Variants in MDGA2 observed in about 807,000 individuals in gnomAD.
MDGA2 encodes MAM domain containing glycosylphosphatidylinositol anchor 2, also known as MAM domain-containing glycosylphosphatidylinositol anchor protein 2.
Under a neutral mutation model 117.8 loss-of-function variants are expected in MDGA2, and 40 were observed. The ratio of observed to expected loss-of-function variants is 0.34; its 90% CI spans 0.26 to 0.44. The LOEUF (loss-of-function observed/expected upper bound fraction) is 0.44. Among genes scored for constraint, MDGA2 ranks in the 20% least tolerant of loss-of-function variants. The pLI is 1.00. For missense variants in MDGA2, 1,123 were observed against 1,250.6 expected (o/e 0.90, Z 1.54); for synonymous variants, 452 against 439.0 (o/e 1.03, Z -0.37).
At chr14:47,667,883 C>A (rs117071810) in intron 1 of MDGA2, among the ~76,000 whole-genome samples, 5,445 of 152,262 alleles carry the variant, frequency 0.036, 143 homozygotes, top group Middle Eastern at 0.068. Flanking sequence ...ATTTCAGCCA[C>A]ACCACAGTCC....
chr14:47,569,250 T>C (rs1216197085), intron 1 of MDGA2, among the ~76,000 whole-genome samples: 1 of 152,208 alleles, frequency 6.6e-6, no homozygotes, highest in Non-Finnish European at 1.5e-5. Context: ...AAATAATATG[T>C]GTTTTTAGTG....
intron 5 of MDGA2, among the ~76,000 whole-genome samples, chr14:47,122,402 A>G (rs1050099578): frequency 4.6e-5 from 7 of 151,978 alleles, no homozygotes; most frequent in Admixed American, 2.6e-4. Flanking sequence ...TGAGTGACCA[A>G]TTGTTTTGTT....
chr14:46,985,910 T>C (rs541261155), intron 8 of MDGA2, among the ~76,000 whole-genome samples: 23 of 152,198 alleles, frequency 1.5e-4, no homozygotes, highest in Admixed American at 1.4e-3. Context: ...CCATTAGCGA[T>C]TTACAACTGA....
chr14:47,480,967 C>G (rs540119555), intron 1 of MDGA2, among the ~76,000 whole-genome samples: 12 of 151,688 alleles, frequency 7.9e-5, no homozygotes, highest in Non-Finnish European at 1.5e-4. Context: ...TCATCTTGTA[C>G]GAGAGTAGAA....
At position 47,124,691 on chromosome 14, in the gene MDGA2, G is replaced by A. The variant is rs1286909789; in HGVS notation, c.925+7023C>T. On this transcript the variant is annotated intron_variant, in intron 5 of 16. Transcript: ENST00000399232. ...CAGAGAGGTAACCAAGGGTAAATGA[G>A]GTCCTAAGGATGAGACTCTAATCAA... Among the ~76,000 whole-genome samples the A allele has an allele frequency of 7.9e-5, 12 of 152,100 alleles. 1 individual carries two copies. In the East Asian group the frequency reaches 1.9e-3, roughly 25 times the overall value.
chr14:47,017,053 G>A (rs2138564302), intron 8 of MDGA2, among the ~76,000 whole-genome samples: 2 of 151,626 alleles, frequency 1.3e-5, no homozygotes, highest in East Asian at 3.9e-4. Flanking sequence ...ATATGATATT[G>A]CATATCTATT....
intron 1 of MDGA2, among the ~76,000 whole-genome samples, chr14:47,608,634 T>C (rs1403106539): frequency 6.6e-6 from 1 of 152,152 alleles, no homozygotes; most frequent in Non-Finnish European, 1.5e-5. Context: ...AGAACTGCTA[T>C]GCCACTGTAA....
chr14:47,158,363 G>GGTGTGTGTGTGT (rs34198544), intron 3 of MDGA2, among the ~76,000 whole-genome samples: 16 of 146,784 alleles, frequency 1.1e-4, no homozygotes, highest in African/African-American at 3.5e-4. Flanking sequence ...CCCTGGGGTG[G>GGTGTGTGTGTGT]GTGTGTGTGT....
intron 8 of MDGA2, among the ~76,000 whole-genome samples, chr14:47,018,282 G>A (rs1427504738): frequency 6.6e-6 from 1 of 152,002 alleles, no homozygotes; most frequent in Non-Finnish European, 1.5e-5. Context: ...TTTATGAGTT[G>A]TGCCTTCTGC....
chr14:47,450,277 T>C (rs908627679), intron 1 of MDGA2, among the ~76,000 whole-genome samples: 42 of 151,998 alleles, frequency 2.8e-4, no homozygotes, highest in African/African-American at 9.9e-4. Context: ...GTTGTCACTT[T>C]TCTCTCTTTA....
At chr14:47,409,833 C>T (rs184017558) in intron 1 of MDGA2, among the ~76,000 whole-genome samples, 11 of 152,200 alleles carry the variant, frequency 7.2e-5, no homozygotes, top group East Asian at 5.8e-4. Context: ...TTACGTCCCC[C>T]GCTTTGTGGG....
At chr14:47,574,378 T>C (rs1342811690) in intron 1 of MDGA2, among the ~76,000 whole-genome samples, 1 of 152,228 alleles carries the variant, frequency 6.6e-6, no homozygotes, top group Non-Finnish European at 1.5e-5. Flanking sequence ...TTCCTGGGCT[T>C]GGCCCAGCAA....
intron 2 of MDGA2, among the ~76,000 whole-genome samples, chr14:47,276,770 T>A (rs1382386236): frequency 1.3e-5 from 2 of 152,234 alleles, no homozygotes; most frequent in East Asian, 3.8e-4. Flanking sequence ...GAAGTACACA[T>A]CTTTTGTTCT....
At chr14:47,160,322 G>A (rs936337545) in intron 3 of MDGA2, among the ~76,000 whole-genome samples, 18 of 151,692 alleles carry the variant, frequency 1.2e-4, no homozygotes, top group African/African-American at 3.9e-4. Context: ...ATTCTATTTC[G>A]GGCTTTTTTG....
At chr14:47,210,446 C>T (rs1229474323) in intron 3 of MDGA2, among the ~76,000 whole-genome samples, 1 of 152,108 alleles carries the variant, frequency 6.6e-6, no homozygotes, top group Non-Finnish European at 1.5e-5. Flanking sequence ...ACCCTATGAA[C>T]CACACAGTCA....
chr14:47,248,517 T>G (rs1323469419), intron 2 of MDGA2, among the ~76,000 whole-genome samples: 2 of 151,716 alleles, frequency 1.3e-5, no homozygotes, highest in African/African-American at 2.4e-5. Context: ...AAAATTATAT[T>G]TTTTAAAAGT....
chr14:47,351,601 T>G (rs1047576410), intron 1 of MDGA2, among the ~76,000 whole-genome samples: 4 of 152,162 alleles, frequency 2.6e-5, no homozygotes, highest in African/African-American at 9.7e-5. Flanking sequence ...TCTTAGCCTT[T>G]AATGAGTTTC....
In MDGA2 at chr14:47,418,323, T is replaced by C. The variant is rs572665400; in HGVS notation, c.281-116773A>G. Among the ~76,000 whole-genome samples the C allele has an allele frequency of 3.0e-4, 45 of 152,120 alleles. No homozygotes were observed. In the South Asian group the frequency reaches 6.2e-3, roughly 21 times the overall value. ...CTGATCTCGAACTCCTGACCTCAAA[T>C]GATCTGCCCGCCTTGGCCTCCCAAA... On this transcript the variant is annotated intron_variant, in intron 1 of 16. Coordinates refer to ENST00000399232, the MANE Select transcript of MDGA2 (RefSeq NM_001113498.3).
intron 14 of MDGA2, among the ~76,000 whole-genome samples, chr14:46,866,122 C>A (rs1476363807): frequency 6.0e-5 from 9 of 149,424 alleles, no homozygotes; most frequent in African/African-American, 1.7e-4. Context: ...GGAGGCATCA[C>A]ACTACCTGAC....
Sources: gnomAD v4.1 joint callset for allele counts (sites outside exome capture counted in the v4.1 genomes callset) on GRCh38, gnomAD v4.1.1 for gene constraint, MANE v1.5 for transcripts, NCBI Gene and HGNC (gene_info 2026-07-23, HGNC 2026-07-21) for gene names.